The following PLEKHH1 variants were observed in gnomAD, a reference collection of about 807,000 sequenced individuals.
PLEKHH1 encodes the protein pleckstrin homology domain-containing family H member 1.
PLEKHH1 carries 104 observed loss-of-function variants against 160.0 expected under a neutral mutation model. The observed-to-expected ratio is 0.65, with a 90% CI of 0.55 to 0.76. PLEKHH1 has a LOEUF of 0.76. Ranked by LOEUF, PLEKHH1 falls within the 30% of genes least tolerant of loss-of-function variation. The probability of loss-of-function intolerance (pLI) is 0.00; values close to 1 mark genes in which losing one functional copy is unlikely to be tolerated. For synonymous variants in PLEKHH1, 619 were observed against 678.4 expected, an observed-to-expected ratio of 0.91 and a Z score of 1.36; for missense variants, 1,427 against 1,724.1, an observed-to-expected ratio of 0.83 and a Z score of 3.05.
At chr14:67,586,827 C>T in intron 28 of PLEKHH1, 1 of 1,473,412 alleles carries the variant, frequency 6.8e-7, no homozygotes, top group Non-Finnish European at 9.0e-7. Context: ...CAGAGCAGAA[C>T]ACTGGGCCTC....
Position 67,541,916 on chromosome 14 carries a change from C to G in PLEKHH1, c.49C>G (p.Arg17Gly), listed in dbSNP as rs2033981130. The change falls in exon 2 of 29, where the codon CGC (arginine) becomes GGC (glycine). Residue 17 changes from arginine to glycine, a missense_variant. By Grantham distance (125) the Arg-to-Gly change is moderately radical. Coordinates refer to ENST00000329153, the MANE Select transcript of PLEKHH1 (RefSeq NM_020715.3). ...EAPASVDWQK[R>G]CLTLETQLFR... Reference sequence around the variant, plus strand: ...GCCGGCCAGCGTAGACTGGCAGAAACGCTGCCTGACCCTGGAAACTCAGCT... The same window carrying G: ...GCCGGCCAGCGTAGACTGGCAGAAAGGCTGCCTGACCCTGGAAACTCAGCT... The G allele has an allele frequency of 6.2e-7, 1 of 1,605,012 alleles. No homozygotes were observed. The highest frequency in any genetic ancestry group is 2.2e-5 in the East Asian group (1 of 44,532).
At chr14:67,565,501 A>T (rs899447213) in intron 7 of PLEKHH1, among the ~76,000 whole-genome samples, 1 of 152,112 alleles carries the variant, frequency 6.6e-6, no homozygotes, top group Non-Finnish European at 1.5e-5. Flanking sequence ...TTTGTCAGCC[A>T]TAAGAGCCAC....
chr14:67,585,724 G>T, intron 27 of PLEKHH1, 70 bp downstream of exon 27: 1 of 1,242,436 alleles, frequency 8.0e-7, no homozygotes. Flanking sequence ...CTCCTCTGTG[G>T]ACTCAAAAGC....
chr14:67,553,555 C>T (rs998189897), intron 2 of PLEKHH1, among the ~76,000 whole-genome samples: 1 of 152,160 alleles, frequency 6.6e-6, no homozygotes, highest in Admixed American at 6.5e-5. Flanking sequence ...ATTCCAGATT[C>T]CTGGAGAGAG....
Position 67,579,814 on chromosome 14 carries a change from GC to G in PLEKHH1, c.3124del (p.Leu1042SerfsTer32). 6.2e-7 allele frequency: 1 copy of G among 1,610,252 alleles called. No individual in the cohort carries two copies. The highest frequency in any genetic ancestry group is 8.5e-7 in the Non-Finnish European group (1 of 1,178,326). Reference protein sequence around the residue: ...GMRKPSHSGFALFTDDPSGRD... With the variant: ...GMRKPSHSGFXLFTDDPSGRD... ...GAGAAAGCCATCCCACTCTGGCTTT[GC>G]CCTCTTCACGGACGATCCCTCGGGC... On this transcript the variant is annotated frameshift_variant, in exon 22 of 29. Transcript: ENST00000329153. LOFTEE classifies it high-confidence loss of function.
In PLEKHH1 at chr14:67,573,850, G is replaced by A; in HGVS notation, c.1889G>A (p.Cys630Tyr). The part of the protein sequence containing the change: ...PQGQVDLNSR[C>Y]QIVRGEGSQT... Reference sequence around the variant, plus strand: ...GGCCAAGTGGATCTGAACTCCCGCTGCCAAATTGTTCGAGGGGAGGGTTCA... The same window carrying A: ...GGCCAAGTGGATCTGAACTCCCGCTACCAAATTGTTCGAGGGGAGGGTTCA... The change falls in exon 13 of 29, where the codon TGC (cysteine) becomes TAC (tyrosine). Residue 630 changes from cysteine to tyrosine, a missense_variant. Physicochemically the swap from Cys to Tyr is radical, Grantham distance 194. Transcript: ENST00000329153. The surrounding 1 kb of genome is among the most constrained non-coding windows in gnomAD (Gnocchi z 4.8). The A allele has an allele frequency of 1.2e-6, 2 of 1,613,762 alleles. No individual in the cohort carries two copies. Among genetic ancestry groups the A allele is most frequent in the Non-Finnish European group, 1.7e-6 (2 of 1,179,676 alleles).
At chr14:67,557,989 A>AGTT (rs1320205580) in intron 4 of PLEKHH1, among the ~76,000 whole-genome samples, 2 of 152,230 alleles carry the variant, frequency 1.3e-5, no homozygotes, top group African/African-American at 4.8e-5. Flanking sequence ...CAGAGACCAA[A>AGTT]GTTGTTGCCT....
At chr14:67,535,368 A>ATTTTT (rs2033665330) in intron 1 of PLEKHH1, among the ~76,000 whole-genome samples, 1 of 124,288 alleles carries the variant, frequency 8.0e-6, no homozygotes, top group African/African-American at 3.3e-5. Context: ...TAGTGAGCAC[A>ATTTTT]TCTTTTTTTT....
intron 15 of PLEKHH1, 24 bp from the exon 16 acceptor site, chr14:67,575,799 T>C (rs1421801527): frequency 1.3e-6 from 2 of 1,598,328 alleles, no homozygotes; most frequent in Non-Finnish European, 8.6e-7. Flanking sequence ...GGCTCTCCCA[T>C]TCATGGAAGA....
chr14:67,586,473 C>T (rs1213410396), intron 28 of PLEKHH1: 42 of 1,218,494 alleles, frequency 3.4e-5, no homozygotes, highest in Non-Finnish European at 4.6e-5. Context: ...GCATGTTACC[C>T]CTGGGTTCTG....
intron 18 of PLEKHH1, among the ~76,000 whole-genome samples, chr14:67,577,763 T>C (rs950780622): frequency 6.6e-6 from 1 of 151,840 alleles, no homozygotes; most frequent in Non-Finnish European, 1.5e-5. Flanking sequence ...TTTTCTGTTT[T>C]TGTTTTTGTT....
In PLEKHH1 at chr14:67,557,371, G is replaced by C. The variant is rs756217783; in HGVS notation, c.292G>C (p.Gly98Arg). 6.8e-6 allele frequency: 11 copies of C among 1,613,834 alleles called. No individual in the cohort carries two copies. The East Asian group carries it at 2.0e-4, about 29-fold the overall frequency. The change falls in exon 4 of 29, where the codon GGC becomes CGC. Residue 98 changes from glycine (G) to arginine (R), a missense_variant. By Grantham distance (125) the Gly-to-Arg change is moderately radical. Around this residue, in one of 6 missense-constraint regions of PLEKHH1, gnomAD observed 831 missense variants for 929.2 expected, o/e 0.89. Transcript: ENST00000329153. ...KYQELLKAIK[G>R]KDELISQLEA... is the part of the protein sequence containing the mutation. ...CCAAGAATTGCTGAAAGCCATAAAG[G>C]GCAAAGATGAGCTCATCAGCCAGCT...
chr14:67,566,411 C>A (rs1675415293), intron 7 of PLEKHH1, among the ~76,000 whole-genome samples: 4 of 152,118 alleles, frequency 2.6e-5, no homozygotes, highest in Admixed American at 2.6e-4. Context: ...GCTCACTTTG[C>A]CATTTTGCCA....
At chr14:67,571,720 G>C (rs763671026) in intron 9 of PLEKHH1, 32 bp from the exon 10 acceptor site, 1 of 1,601,974 alleles carries the variant, frequency 6.2e-7, no homozygotes, top group Non-Finnish European at 8.5e-7. Context: ...TTTGCAGCCT[G>C]AGCTGCAGTG....
Position 67,587,310 on chromosome 14 carries a change from T to C in PLEKHH1, c.*75T>C. On this transcript the variant is annotated 3_prime_UTR_variant, in exon 29 of 29. Transcript: ENST00000329153. ...AGATATATATCCTAGGGTATGATAC[T>C]ACTGTGACGGGTCTAACAGCCCCCG... is the stretch of plus-strand genomic sequence containing the variant. 6.5e-7 allele frequency: 1 copy of C among 1,542,528 alleles called. No individual in the cohort carries two copies. The highest frequency in any genetic ancestry group is 1.1e-5 in the South Asian group (1 of 89,522).
chr14:67,533,587 C>T (rs922870934), intron 1 of PLEKHH1, 189 bp downstream of exon 1: 18 of 152,106 alleles, frequency 1.2e-4, no homozygotes, highest in Admixed American at 9.2e-4. Context: ...AGCCGGGCGC[C>T]CCAGGGGACT....
intron 1 of PLEKHH1, among the ~76,000 whole-genome samples, chr14:67,540,666 T>C (rs887438052): frequency 6.6e-6 from 1 of 151,954 alleles, no homozygotes; most frequent in Non-Finnish European, 1.5e-5. Flanking sequence ...AATTAACAAT[T>C]ATTCCTTAAA....
At position 67,573,876 on chromosome 14, in the gene PLEKHH1, C is replaced by T. The variant is rs950266963; in HGVS notation, c.1915C>T (p.Gln639Ter). The T allele has an allele frequency of 1.9e-6, 3 of 1,612,418 alleles. No individual in the cohort carries two copies. Among genetic ancestry groups the T allele is most frequent in the Non-Finnish European group, 2.5e-6 (3 of 1,178,580 alleles). ...CCAAATTGTTCGAGGGGAGGGTTCA[C>T]AGACGTTTCAGGTGAGCACGCTCCT... ...RCQIVRGEGS[Q>*]TFQLISEKKT... Residue 639 changes from glutamine (Q) to a stop codon, truncating the protein, a stop_gained, in exon 13 of 29, where the codon CAG becomes TAG. Coordinates refer to ENST00000329153, the MANE Select transcript of PLEKHH1 (RefSeq NM_020715.3). LOFTEE classifies it high-confidence loss of function. The surrounding 1 kb of genome is among the most constrained non-coding windows in gnomAD (Gnocchi z 4.8).
intron 7 of PLEKHH1, 183 bp from the exon 8 acceptor site, chr14:67,568,955 C>T: frequency 1.7e-6 from 1 of 572,554 alleles, no homozygotes; most frequent in Non-Finnish European, 3.1e-6. Flanking sequence ...GTATTATTAC[C>T]TCCATTTAGA....
Sources: gnomAD v4.1 joint callset for allele counts (sites outside exome capture counted in the v4.1 genomes callset) on GRCh38, gnomAD v4.1.1 for gene constraint, gnomAD v4.1.1 regional missense constraint, Gnocchi (gnomAD v3.1) non-coding constraint, MANE v1.5 for transcripts, NCBI Gene and HGNC (gene_info 2026-07-23, HGNC 2026-07-21) for gene names.